The following UBL7 variants were observed in gnomAD, a reference collection of about 807,000 sequenced individuals.
UBL7 encodes ubiquitin-like protein 7.
UBL7 carries 21 observed loss-of-function variants against 41.7 expected under a neutral mutation model. The observed-to-expected ratio is 0.50, with a 90% CI of 0.36 to 0.73. The LOEUF (loss-of-function observed/expected upper bound fraction) is 0.73. Ranked by LOEUF, UBL7 falls within the 30% of genes least tolerant of loss-of-function variation. UBL7 has a pLI of 0.00. For missense variants in UBL7, 403 were observed against 478.4 expected, an observed-to-expected ratio of 0.84 and a Z score of 1.47; for synonymous variants, 157 against 186.9, an observed-to-expected ratio of 0.84 and a Z score of 1.31.
chr15:74,457,969 ACT>A (rs1271211328), intron 2 of UBL7, among the ~76,000 whole-genome samples: 4 of 151,896 alleles, frequency 2.6e-5, no homozygotes, highest in Non-Finnish European at 4.4e-5. Context: ...CTCCACCTGG[ACT>A]GCCCACGCCA....
chr15:74,451,125 G>A (rs543463210), intron 5 of UBL7, among the ~76,000 whole-genome samples: 37 of 152,260 alleles, frequency 2.4e-4, no homozygotes, highest in African/African-American at 7.2e-4. Context: ...TCTTTCTCCC[G>A]TATCTCTGGG....
chr15:74,449,170 G>A lies in UBL7; in HGVS notation c.882+16C>T, dbSNP rs749392744. 4.2e-5 allele frequency: 64 copies of A among 1,531,226 alleles called. 1 individual carries two copies. In the South Asian group the frequency reaches 4.4e-4, roughly 11 times the overall value. The allele number at this position is 1,531,226 out of a possible 1,614,324, so 94.9% of individuals were successfully genotyped here. A position where few individuals can be genotyped will look rare whatever the true frequency, so the allele number is the denominator to read the frequency against. Reference sequence around the variant, plus strand: ...TTGGGGGCCCAGCCTTGATCTTCCCGGCCCCGTCTTCATACCTGGGTGCCA... The same window carrying A: ...TTGGGGGCCCAGCCTTGATCTTCCCAGCCCCGTCTTCATACCTGGGTGCCA... On this transcript the variant is annotated intron_variant, in intron 9 of 10. Transcript: ENST00000395081.
intron 3 of UBL7, among the ~76,000 whole-genome samples, chr15:74,455,035 A>G (rs2061281884): frequency 6.6e-6 from 1 of 152,188 alleles, no homozygotes. Flanking sequence ...CTTGACTGCT[A>G]CTGGGGATCT....
At chr15:74,449,829 C>A in intron 7 of UBL7, 107 bp downstream of exon 7, 3 of 1,538,774 alleles carry the variant, frequency 1.9e-6, no homozygotes, top group South Asian at 1.2e-5. Context: ...ACCGAGAGTT[C>A]CCAAGGAACG....
rs371027096 is a variant in UBL7, at chr15:74,451,412, C to T, written c.472+24G>A. On this transcript the variant is annotated intron_variant, in intron 5 of 10. Coordinates refer to ENST00000395081, the MANE Select transcript of UBL7 (RefSeq NM_032907.5). ...TCTCCTTTTCCGACAACTCCTATTTCCTCAAATTCAGTCCTGCACTTACCA... is the reference window on the plus strand; with the variant it reads ...TCTCCTTTTCCGACAACTCCTATTTTCTCAAATTCAGTCCTGCACTTACCA... 3.7e-5 allele frequency: 59 copies of T among 1,604,516 alleles called. No individual in the cohort carries two copies. The African/African-American group carries it at 7.5e-4, about 20-fold the overall frequency.
intron 1 of UBL7, 59 bp downstream of exon 1, chr15:74,460,978 G>A (rs1340849601): frequency 2.7e-6 from 3 of 1,115,986 alleles, no homozygotes; most frequent in Non-Finnish European, 3.3e-6. Flanking sequence ...TAAAATCACT[G>A]GCCCAAGGTC....
chr15:74,452,500 A>C, intron 3 of UBL7, 122 bp from the exon 4 acceptor site: 1 of 934,756 alleles, frequency 1.1e-6, no homozygotes, highest in Non-Finnish European at 1.6e-6. Flanking sequence ...TTCCCTCATC[A>C]CCCCTTAAGA....
Position 74,449,668 on chromosome 15 carries a change from G to C in UBL7, c.672C>G (p.Phe224Leu), listed in dbSNP as rs771445450. 14 of 1,613,966 alleles carry C rather than the reference G, an allele frequency of 8.7e-6. No individual in the cohort carries two copies. The highest frequency in any genetic ancestry group is 1.2e-5 in the Non-Finnish European group (14 of 1,180,018). ...CATCATCTGAGAGCCCTTCAAACAGGAAGCCACCTGGAGGAGGACGAACAG... is the reference window on the plus strand; with the variant it reads ...CATCATCTGAGAGCCCTTCAAACAGCAAGCCACCTGGAGGAGGACGAACAG... ...SSSYRDMPGG[F>L]LFEGLSDDED... is the part of the protein sequence containing the mutation. The change falls in exon 8 of 11, where the codon TTC becomes TTG. Residue 224 changes from phenylalanine to leucine, a missense_variant. Coordinates refer to ENST00000395081, the MANE Select transcript of UBL7 (RefSeq NM_032907.5).
At chr15:74,456,971 A>G (rs1000168958) in intron 2 of UBL7, among the ~76,000 whole-genome samples, 2 of 152,026 alleles carry the variant, frequency 1.3e-5, no homozygotes, top group African/African-American at 4.8e-5. Context: ...CACCACACCC[A>G]GCTAATTTTT....
rs754407032 is a variant in UBL7 at position 74,458,901 on chromosome 15, A to G, written c.-29-5T>C. ...TTTCGCGCTCTCTCTTTCTCCCTGTAAAAGAACAAAACCTCAGTGGTTAAA... is the reference window on the plus strand; with the variant it reads ...TTTCGCGCTCTCTCTTTCTCCCTGTGAAAGAACAAAACCTCAGTGGTTAAA... On this transcript the variant is annotated splice_polypyrimidine_tract_variant and splice_region_variant and intron_variant, in intron 1 of 10. Transcript: ENST00000395081. The G allele has an allele frequency of 5.6e-6, 9 of 1,602,304 alleles. No individual in the cohort carries two copies. Among genetic ancestry groups the G allele is most frequent in the Middle Eastern group, 3.3e-4 (2 of 6,052 alleles).
At chr15:74,451,332 G>A (rs1454553571) in intron 5 of UBL7, 104 bp downstream of exon 5, 8 of 1,046,802 alleles carry the variant, frequency 7.6e-6, no homozygotes, top group Non-Finnish European at 1.2e-5. Flanking sequence ...CACAAGACCA[G>A]TCATTCTTCA....
Position 74,460,702 on chromosome 15 carries a change from A to C in UBL7, c.-30+335T>G, listed in dbSNP as rs1405078535. On this transcript the variant is annotated intron_variant, in intron 1 of 10. Coordinates refer to ENST00000395081, the MANE Select transcript of UBL7 (RefSeq NM_032907.5). ...ATGGAACCCCAGAAAATAAATCAGA[A>C]ACTCTGACGGCGGAAGAATCTTGCA... The C allele has an allele frequency of 3.1e-6, 4 of 1,289,186 alleles. No individual in the cohort carries two copies. The Admixed American group carries it at 9.2e-5, about 30-fold the overall frequency. The allele number at this position is 1,289,186 out of a possible 1,614,324, so 79.9% of individuals were successfully genotyped here.
intron 9 of UBL7, among the ~76,000 whole-genome samples, chr15:74,448,808 T>TTGTC (rs1490993345): frequency 6.6e-6 from 1 of 152,162 alleles, no homozygotes; most frequent in African/African-American, 2.4e-5. Context: ...ACTGAGCCCC[T>TTGTC]TGTCCCAGCC....
chr15:74,446,566 A>C lies in UBL7; in HGVS notation c.1006-339T>G, dbSNP rs1163026682. Among the ~76,000 whole-genome samples, 1 of 152,220 alleles carries C rather than the reference A, an allele frequency of 6.6e-6. No homozygotes were observed. The highest frequency in any genetic ancestry group is 2.4e-5 in the African/African-American group (1 of 41,460). Reference sequence around the variant, plus strand: ...ACAGCAAGATTTTGCTCTTTATGTGATGAGTGTTACAGATTTTTTTCCCAG... The same window carrying C: ...ACAGCAAGATTTTGCTCTTTATGTGCTGAGTGTTACAGATTTTTTTCCCAG... On this transcript the variant is annotated intron_variant, in intron 10 of 10. Transcript: ENST00000395081. The surrounding 1 kb of genome is among the most constrained non-coding windows in gnomAD (Gnocchi z 4.1).
chr15:74,450,668 C>T lies in UBL7; in HGVS notation c.530+134G>A, dbSNP rs958517359. On this transcript the variant is annotated intron_variant, in intron 6 of 10. Coordinates refer to ENST00000395081, the MANE Select transcript of UBL7 (RefSeq NM_032907.5). ...CTTGGGCTTTGCTCTTTCTCACCCCCTGACGTATCTAAGGGGTAGACTTGG... is the reference window on the plus strand; with the variant it reads ...CTTGGGCTTTGCTCTTTCTCACCCCTTGACGTATCTAAGGGGTAGACTTGG... 2.4e-5 allele frequency: 21 copies of T among 884,812 alleles called. No homozygotes were observed. In the African/African-American group the frequency reaches 3.3e-4, roughly 14 times the overall value. 54.8% of individuals were successfully genotyped at this position (884,812 alleles called of 1,614,324 possible).
intron 3 of UBL7, among the ~76,000 whole-genome samples, chr15:74,455,890 C>A (rs966733204): frequency 1.3e-5 from 2 of 151,924 alleles, no homozygotes; most frequent in Non-Finnish European, 2.9e-5. Context: ...TTTGGGAGGC[C>A]GAGGCGGGCA....
chr15:74,459,005 G>T, intron 1 of UBL7, 109 bp from the exon 2 acceptor site: 1 of 1,034,664 alleles, frequency 9.7e-7, no homozygotes, highest in East Asian at 2.6e-5. Flanking sequence ...CTGTTGAAGA[G>T]GCATAGGGCG....
chr15:74,459,877 G>A (rs1345239271), intron 1 of UBL7, among the ~76,000 whole-genome samples: 1 of 136,868 alleles, frequency 7.3e-6, no homozygotes, highest in Non-Finnish European at 1.5e-5. Flanking sequence ...AGGTTGCAGT[G>A]AGCCAAGATC....
chr15:74,451,448 G>T lies in UBL7; in HGVS notation c.460C>A (p.Pro154Thr). Reference sequence around the variant, plus strand: ...GTCCTGCACTTACCAAGAGCAATAGGGTCACTGCTGAGGCCTGGGGTGGCC... The same window carrying T: ...GTCCTGCACTTACCAAGAGCAATAGTGTCACTGCTGAGGCCTGGGGTGGCC... Reference protein sequence around the residue: ...IVATPGLSSDPIALGVLQDKD... With the variant: ...IVATPGLSSDTIALGVLQDKD... The change falls in exon 5 of 11, where the codon CCT becomes ACT. Residue 154 changes from proline (P) to threonine (T), a missense_variant. Physicochemically the swap from Pro to Thr is conservative, Grantham distance 38. Coordinates refer to ENST00000395081, the MANE Select transcript of UBL7 (RefSeq NM_032907.5). 6.2e-7 allele frequency: 1 copy of T among 1,613,994 alleles called. No homozygotes were observed. The highest frequency in any genetic ancestry group is 8.5e-7 in the Non-Finnish European group (1 of 1,179,976).
Sources: allele counts gnomAD v4.1 joint callset (sites outside exome capture counted in the v4.1 genomes callset), GRCh38; gene constraint gnomAD v4.1.1; non-coding constraint Gnocchi (gnomAD v3.1); transcripts MANE v1.5; gene names NCBI Gene and HGNC (gene_info 2026-07-23, HGNC 2026-07-21).